The following TMEM131 variants were observed in gnomAD, a reference collection of about 807,000 sequenced individuals.
TMEM131 encodes the protein 2610524E03Rik.
In TMEM131, 66 loss-of-function variants were observed where a neutral mutation model predicts 211.6. That is an observed-to-expected ratio of 0.31 (90% CI 0.26 to 0.38). TMEM131 has a LOEUF of 0.38. TMEM131 is among the 10% of genes least tolerant of loss of function. The pLI is 1.00. For missense variants in TMEM131, 2,036 were observed against 2,299.3 expected, an observed-to-expected ratio of 0.89 and a Z score of 2.34; for synonymous variants, 844 against 841.3, an observed-to-expected ratio of 1.00 and a Z score of -0.06.
intron 2 of TMEM131, among the ~76,000 whole-genome samples, chr2:97,919,930 T>C (rs1407723112): frequency 6.6e-6 from 1 of 152,196 alleles, no homozygotes; most frequent in Admixed American, 6.5e-5. Context: ...AGGAAGAACT[T>C]GGCATTCAGT....
At chr2:97,842,254 TG>T (rs1469617131) in intron 6 of TMEM131, among the ~76,000 whole-genome samples, 1 of 152,166 alleles carries the variant, frequency 6.6e-6, no homozygotes, top group East Asian at 1.9e-4. Flanking sequence ...CATCAGAAGA[TG>T]GATCTACGGC....
At chr2:97,788,893 A>G (rs1680370742) in intron 31 of TMEM131, among the ~76,000 whole-genome samples, 1 of 152,220 alleles carries the variant, frequency 6.6e-6, no homozygotes, top group African/African-American at 2.4e-5. Context: ...TTCATTTTTC[A>G]TAAAAAATAT....
intron 1 of TMEM131, among the ~76,000 whole-genome samples, chr2:97,934,157 T>TACATATAG (rs1457861211): frequency 6.6e-6 from 1 of 152,134 alleles, no homozygotes; most frequent in Non-Finnish European, 1.5e-5. Context: ...AGGTAATAAG[T>TACATATAG]ACATATAGCA....
intron 2 of TMEM131, among the ~76,000 whole-genome samples, chr2:97,923,628 T>A (rs10171581): frequency 0.061 from 1,811 of 29,780 alleles, 59 homozygotes; most frequent in African/African-American, 0.13. Flanking sequence ...TCTTTTTTTT[T>A]AAAAAAAAAA....
chr2:97,942,717 T>C (rs754377664), intron 1 of TMEM131, among the ~76,000 whole-genome samples: 1 of 151,942 alleles, frequency 6.6e-6, no homozygotes, highest in Non-Finnish European at 1.5e-5. Flanking sequence ...GCCATCAAAG[T>C]TTCCCCGCAA....
Position 97,812,739 on chromosome 2 carries a change from A to C in TMEM131, c.1628T>G (p.Leu543Trp). 1 of 1,564,650 alleles carries C rather than the reference A, an allele frequency of 6.4e-7. No individual in the cohort carries two copies. Among genetic ancestry groups the C allele is most frequent in the South Asian group, 1.2e-5 (1 of 84,018 alleles). The change falls in exon 16 of 41, where the codon TTG becomes TGG. Residue 543 changes from leucine to tryptophan, a missense_variant. Coordinates refer to ENST00000186436, the MANE Select transcript of TMEM131 (RefSeq NM_015348.2). ...GAAACGTTCCTCTATTTTGGGGGGC[A>C]ATACAAAGTACTGGAAAGATATAAA... ...VYTGFLDYFV[L>W]PPKIEERFID...
chr2:97,948,112 C>G (rs1381823302), intron 1 of TMEM131, among the ~76,000 whole-genome samples: 1 of 151,858 alleles, frequency 6.6e-6, no homozygotes, highest in East Asian at 1.9e-4. Flanking sequence ...TTTTAGTGAT[C>G]TTGAGTTTGG....
intron 1 of TMEM131, among the ~76,000 whole-genome samples, chr2:97,941,121 C>A (rs1447662626): frequency 6.6e-6 from 1 of 152,186 alleles, no homozygotes; most frequent in Non-Finnish European, 1.5e-5. Flanking sequence ...GGTACCAAAA[C>A]AGAGATATAG....
intron 6 of TMEM131, among the ~76,000 whole-genome samples, 154 bp downstream of exon 6, chr2:97,843,991 T>C (rs1329006305): frequency 3.3e-5 from 5 of 152,204 alleles, no homozygotes; most frequent in African/African-American, 7.2e-5. Flanking sequence ...AGATATTGAA[T>C]AGAGATATTC....
At chr2:97,772,560 A>G (rs1327327671) in intron 32 of TMEM131, 136 bp from the exon 33 acceptor site, 1 of 1,069,092 alleles carries the variant, frequency 9.4e-7, no homozygotes, top group Non-Finnish European at 1.3e-6. Context: ...TCGTTTCTTC[A>G]AATCTGTCTT....
At chr2:97,987,289 G>T (rs1680068244) in intron 1 of TMEM131, among the ~76,000 whole-genome samples, 1 of 152,182 alleles carries the variant, frequency 6.6e-6, no homozygotes, top group Non-Finnish European at 1.5e-5. Context: ...AAGTCAGGTG[G>T]ATCATGAGGT....
At chr2:97,895,399 G>A (rs1675566889) in intron 3 of TMEM131, among the ~76,000 whole-genome samples, 1 of 152,178 alleles carries the variant, frequency 6.6e-6, no homozygotes, top group South Asian at 2.1e-4. Context: ...AGTTAAGGAG[G>A]ATTCTCTCTT....
Position 97,982,677 on chromosome 2 carries a change from G to C in TMEM131, c.187+12799C>G, listed in dbSNP as rs572605392. Among the ~76,000 whole-genome samples, 3 of 152,248 alleles carry C rather than the reference G, an allele frequency of 2.0e-5. No individual in the cohort carries two copies. In the South Asian group the frequency reaches 6.2e-4, roughly 32 times the overall value. On this transcript the variant is annotated intron_variant, in intron 1 of 40. Coordinates refer to ENST00000186436, the MANE Select transcript of TMEM131 (RefSeq NM_015348.2). ...GAAGCTGTGAATGTTACCTTACATG[G>C]CAAAAGGAATTTTGTAGATGTGATT...
chr2:97,826,347 T>TG (rs2105029272), intron 11 of TMEM131, among the ~76,000 whole-genome samples: 1 of 152,288 alleles, frequency 6.6e-6, no homozygotes, highest in African/African-American at 2.4e-5. Flanking sequence ...TACATGCCCA[T>TG]GCTGCAATAT....
At position 97,962,429 on chromosome 2, in the gene TMEM131, G is replaced by A. The variant is rs1276508220; in HGVS notation, c.187+33047C>T. On this transcript the variant is annotated intron_variant, in intron 1 of 40. Coordinates refer to ENST00000186436, the MANE Select transcript of TMEM131 (RefSeq NM_015348.2). Reference sequence around the variant, plus strand: ...TGAGGCAGGAGAATGGTGTGAACCCGGGAGGTGGAGCTTGCAGTGAGCTGA... The same window carrying A: ...TGAGGCAGGAGAATGGTGTGAACCCAGGAGGTGGAGCTTGCAGTGAGCTGA... 5.9e-5 allele frequency among the ~76,000 whole-genome samples: 9 copies of A among 152,214 alleles called. No homozygotes were observed. In the South Asian group the frequency reaches 1.2e-3, roughly 21 times the overall value.
chr2:97,967,313 T>C (rs1473887857), intron 1 of TMEM131, among the ~76,000 whole-genome samples: 3 of 152,164 alleles, frequency 2.0e-5, no homozygotes, highest in African/African-American at 7.2e-5. Flanking sequence ...TGGAAGCTAA[T>C]TACTATCTTA....
At chr2:97,919,304 G>A (rs1391481042) in intron 2 of TMEM131, among the ~76,000 whole-genome samples, 3 of 152,116 alleles carry the variant, frequency 2.0e-5, no homozygotes, top group Non-Finnish European at 4.4e-5. Context: ...TCAGCCTAAA[G>A]ACTGTATTAT....
intron 31 of TMEM131, among the ~76,000 whole-genome samples, chr2:97,779,406 G>A (rs536615695): frequency 1.3e-5 from 2 of 152,316 alleles, no homozygotes; most frequent in South Asian, 2.1e-4. Context: ...TCTGCCTCCC[G>A]CTTGCCCCTG....
At chr2:97,903,841 T>G (rs1039742694) in intron 3 of TMEM131, among the ~76,000 whole-genome samples, 2 of 151,986 alleles carry the variant, frequency 1.3e-5, no homozygotes, top group Non-Finnish European at 2.9e-5. Flanking sequence ...ATTTTGTATT[T>G]TAGTAGAGAT....
Sources: allele counts gnomAD v4.1 joint callset (sites outside exome capture counted in the v4.1 genomes callset), GRCh38; gene constraint gnomAD v4.1.1; transcripts MANE v1.5; gene names NCBI Gene and HGNC (gene_info 2026-07-23, HGNC 2026-07-21).